ROBO1: variants seen among roughly 807,000 people sequenced by gnomAD.
ROBO1 encodes the protein roundabout guidance receptor 1.
ROBO1 carries 149 observed loss-of-function variants against 195.9 expected under a neutral mutation model. The ratio of observed to expected loss-of-function variants is 0.76; its 90% CI spans 0.67 to 0.87. The LOEUF is 0.87. ROBO1 is among the 40% of genes least tolerant of loss of function. The probability of loss-of-function intolerance (pLI) is 0.00; values close to 1 mark genes in which losing one functional copy is unlikely to be tolerated. For synonymous variants in ROBO1, 816 were observed against 733.2 expected, an observed-to-expected ratio of 1.11 and a Z score of -1.82; for missense variants, 1,933 against 2,068.3, an observed-to-expected ratio of 0.93 and a Z score of 1.27.
chr3:78,605,576 T>TA (rs1413324651), intron 29 of ROBO1, among the ~76,000 whole-genome samples: 2 of 152,194 alleles, frequency 1.3e-5, no homozygotes, highest in Non-Finnish European at 2.9e-5. Flanking sequence ...TTCACATAAT[T>TA]ATCACCTCTG....
intron 2 of ROBO1, among the ~76,000 whole-genome samples, chr3:79,336,326 T>A (rs2034664511): frequency 1.3e-5 from 2 of 152,178 alleles, no homozygotes; most frequent in African/African-American, 4.8e-5. Context: ...GGTTTTGTGG[T>A]CTGGGCCTAG....
chr3:79,004,843 T>C (rs1169479379), intron 3 of ROBO1, among the ~76,000 whole-genome samples: 1 of 152,048 alleles, frequency 6.6e-6, no homozygotes, highest in Non-Finnish European at 1.5e-5. Context: ...CATAAGAAAA[T>C]GAATTAAACA....
intron 3 of ROBO1, among the ~76,000 whole-genome samples, chr3:79,010,502 T>C (rs745444366): frequency 3.9e-5 from 6 of 152,156 alleles, no homozygotes; most frequent in Non-Finnish European, 8.8e-5. Flanking sequence ...AGTATTACCA[T>C]TATTATTAGA....
At chr3:78,829,236 G>A (rs151258) in intron 4 of ROBO1, among the ~76,000 whole-genome samples, 9,316 of 152,034 alleles carry the variant, frequency 0.061, 340 homozygotes, top group Middle Eastern at 0.11. Flanking sequence ...GTGAGTCCTC[G>A]ATAAATACTT....
At chr3:79,095,999 C>A (rs1334484415) in intron 3 of ROBO1, among the ~76,000 whole-genome samples, 3 of 151,850 alleles carry the variant, frequency 2.0e-5, no homozygotes, top group Admixed American at 6.6e-5. Context: ...TTTTTGTTTT[C>A]TTTTATTATT....
chr3:79,511,931 G>A (rs1282102885), intron 2 of ROBO1, among the ~76,000 whole-genome samples: 2 of 152,158 alleles, frequency 1.3e-5, no homozygotes, highest in Non-Finnish European at 2.9e-5. Context: ...AGGGTAAAAG[G>A]TGAGAGGAGG....
Position 79,248,072 on chromosome 3 carries a change from C to T in ROBO1, c.89-122533G>A, listed in dbSNP as rs2082656059. Among the ~76,000 whole-genome samples, 4 of 152,034 alleles carry T rather than the reference C, an allele frequency of 2.6e-5. No individual in the cohort carries two copies. In the South Asian group the frequency reaches 6.2e-4, roughly 24 times the overall value. On this transcript the variant is annotated intron_variant, in intron 2 of 30. Coordinates refer to ENST00000464233, the MANE Select transcript of ROBO1 (RefSeq NM_002941.4). ...AGAAGAGAGGGAAATCTGTGTTCTA[C>T]TGCAGTTATTAGAGAAGCAGTTGGG...
At chr3:79,517,443 C>A (rs962729743) in intron 2 of ROBO1, among the ~76,000 whole-genome samples, 5 of 152,170 alleles carry the variant, frequency 3.3e-5, no homozygotes, top group Non-Finnish European at 7.3e-5. Context: ...GGCTCTGCAT[C>A]AATCTCTCTG....
intron 3 of ROBO1, among the ~76,000 whole-genome samples, chr3:78,995,543 G>A (rs1460314943): frequency 3.3e-5 from 5 of 151,942 alleles, no homozygotes; most frequent in African/African-American, 9.7e-5. Flanking sequence ...AATCTTTTCC[G>A]TTTTTAAAGT....
intron 4 of ROBO1, among the ~76,000 whole-genome samples, chr3:78,820,874 G>T (rs1391177949): frequency 6.6e-6 from 1 of 151,690 alleles, no homozygotes; most frequent in Admixed American, 6.6e-5. Flanking sequence ...ACCCTTTCAA[G>T]AATGTTAAAA....
intron 1 of ROBO1, among the ~76,000 whole-genome samples, chr3:79,593,307 A>G (rs2107831383): frequency 6.6e-6 from 1 of 152,226 alleles, no homozygotes; most frequent in African/African-American, 2.4e-5. Flanking sequence ...ATGGTAAGAC[A>G]ATGCTTATTA....
intron 3 of ROBO1, among the ~76,000 whole-genome samples, chr3:79,009,587 A>T (rs191045518): frequency 6.6e-6 from 1 of 152,350 alleles, no homozygotes; most frequent in Non-Finnish European, 1.5e-5. Flanking sequence ...AACCAACTGC[A>T]TTACTTCTGA....
chr3:79,752,577 C>A (rs1463530615), intron 1 of ROBO1, among the ~76,000 whole-genome samples: 1 of 152,010 alleles, frequency 6.6e-6, no homozygotes, highest in Non-Finnish European at 1.5e-5. Flanking sequence ...AAAGGTCTCA[C>A]AAATTATGGT....
In ROBO1 at chr3:78,631,295, C is replaced by T; in HGVS notation, c.3492G>A (p.Gly1164=). The T allele has an allele frequency of 6.2e-7, 1 of 1,612,882 alleles. No homozygotes were observed. Among genetic ancestry groups the T allele is most frequent in the Non-Finnish European group, 8.5e-7 (1 of 1,179,276 alleles). ...DRGSSTSGSQ[G]HKKGARTPKV... ...TGGGTGTTCTTGCCCCTTTCTTGTG[C>T]CCCTGACTCCCTAGAAAGGAAATAA... Residue 1164 remains glycine, a synonymous_variant, in exon 25 of 31, where the codon GGG becomes GGA. Transcript: ENST00000464233.
chr3:79,087,054 AAAT>A (rs1418528103), intron 3 of ROBO1, among the ~76,000 whole-genome samples: 2 of 152,178 alleles, frequency 1.3e-5, no homozygotes, highest in Admixed American at 1.3e-4. Flanking sequence ...AAAATTATAA[AAAT>A]AATCATATTT....
chr3:79,201,064 C>A (rs1320591373), intron 2 of ROBO1, among the ~76,000 whole-genome samples: 2 of 151,828 alleles, frequency 1.3e-5, no homozygotes, highest in African/African-American at 4.8e-5. Flanking sequence ...GTTAATATGG[C>A]CACAGAGGAT....
At position 78,685,903 on chromosome 3, in the gene ROBO1, T is replaced by A; in HGVS notation, c.1185A>T (p.Ser395=). The A allele has an allele frequency of 6.3e-7, 1 of 1,593,610 alleles. No individual in the cohort carries two copies. Among genetic ancestry groups the A allele is most frequent in the Non-Finnish European group, 8.6e-7 (1 of 1,168,144 alleles). The change falls in exon 10 of 31, where the codon TCA becomes TCT. Residue 395 remains serine, a synonymous_variant. Transcript: ENST00000464233. The stretch of plus-strand genomic sequence containing the variant: ...GGCTGGATGACTGTGGTGGTTGATA[T>A]GAGAAAAGTAGATTCTAGAACCCAG... ...RREGSQNLLF[S]YQPPQSSSRF... is the part of the protein sequence containing the mutation.
intron 4 of ROBO1, among the ~76,000 whole-genome samples, chr3:78,922,121 G>A (rs1316535388): frequency 6.6e-6 from 1 of 152,048 alleles, no homozygotes; most frequent in Non-Finnish European, 1.5e-5. Flanking sequence ...GGTTTACATG[G>A]TATTGAAGGC....
At chr3:79,449,865 A>C (rs955912529) in intron 2 of ROBO1, among the ~76,000 whole-genome samples, 6 of 152,196 alleles carry the variant, frequency 3.9e-5, no homozygotes, top group Non-Finnish European at 8.8e-5. Context: ...CTAAACACTC[A>C]TGTCATCTTC....
Sources: gnomAD v4.1 joint callset for allele counts (sites outside exome capture counted in the v4.1 genomes callset) on GRCh38, gnomAD v4.1.1 for gene constraint, MANE v1.5 for transcripts, NCBI Gene and HGNC (gene_info 2026-07-23, HGNC 2026-07-21) for gene names.